GRM7: variants seen among roughly 807,000 people sequenced by gnomAD.
GRM7 encodes the protein glutamate metabotropic receptor 7.
Under a neutral mutation model 84.5 loss-of-function variants are expected in GRM7, and 35 were observed. The ratio of observed to expected loss-of-function variants is 0.41; its 90% confidence interval spans 0.32 to 0.55. GRM7 has a LOEUF of 0.55. GRM7 is among the 20% of genes least tolerant of loss of function. GRM7 has a pLI of 0.19. For synonymous variants in GRM7, 487 were observed against 455.1 expected, an observed-to-expected ratio of 1.07 and a Z score of -0.89; for missense variants, 1,003 against 1,194.6, an observed-to-expected ratio of 0.84 and a Z score of 2.36.
At chr3:7,627,353 G>T (rs1469736007) in intron 8 of GRM7, among the ~76,000 whole-genome samples, 1 of 152,152 alleles carries the variant, frequency 6.6e-6, no homozygotes, top group East Asian at 1.9e-4. Context: ...TTCTGCAGAT[G>T]TAGAACAGAG....
At chr3:7,536,644 C>A (rs1701254279) in intron 7 of GRM7, among the ~76,000 whole-genome samples, 3 of 152,178 alleles carry the variant, frequency 2.0e-5, no homozygotes, top group South Asian at 4.1e-4. Flanking sequence ...TCTCTTGGAT[C>A]ACTAGCTTGG....
At chr3:7,583,565 C>T (rs1398779332) in intron 8 of GRM7, among the ~76,000 whole-genome samples, 1 of 152,182 alleles carries the variant, frequency 6.6e-6, no homozygotes, top group Admixed American at 6.5e-5. Flanking sequence ...GTTTCGGATT[C>T]TTGATACCTC....
intron 1 of GRM7, among the ~76,000 whole-genome samples, chr3:6,901,604 T>TAAAAAGA (rs1696385829): frequency 2.5e-5 from 1 of 40,494 alleles, no homozygotes; most frequent in Non-Finnish European, 4.3e-5. Flanking sequence ...AGACTCCGTC[T>TAAAAAGA]AAAAAAAAAA....
chr3:6,971,627 T>C (rs901833023), intron 1 of GRM7, among the ~76,000 whole-genome samples: 3 of 152,224 alleles, frequency 2.0e-5, no homozygotes, highest in Non-Finnish European at 2.9e-5. Context: ...TGGTTGACTT[T>C]GACACCCTTT....
At chr3:7,367,903 A>G (rs1693968497) in intron 4 of GRM7, among the ~76,000 whole-genome samples, 1 of 151,336 alleles carries the variant, frequency 6.6e-6, no homozygotes, top group African/African-American at 2.4e-5. Flanking sequence ...GTATTCCCCA[A>G]ACCTGACTAT....
At position 7,140,727 on chromosome 3, in the gene GRM7, G is replaced by A. The variant is rs886696354; in HGVS notation, c.520-5725G>A. On this transcript the variant is annotated intron_variant, in intron 1 of 9. Transcript: ENST00000357716. ...TTACCTGGATATCCTGAGGAAGTAC[G>A]GTTCTGTGTCTCAAGTAAAAATAAG... Among the ~76,000 whole-genome samples, 4 of 152,006 alleles carry A rather than the reference G, an allele frequency of 2.6e-5. No homozygotes were observed. In the South Asian group the frequency reaches 6.2e-4, roughly 24 times the overall value.
intron 1 of GRM7, among the ~76,000 whole-genome samples, chr3:7,128,606 C>T (rs1184816096): frequency 7.7e-6 from 1 of 129,538 alleles, no homozygotes; most frequent in Non-Finnish European, 1.7e-5. Flanking sequence ...CTCCCAGGTT[C>T]AGCGATTCTC....
chr3:7,738,426 AAGT>A (rs1324293782), intron 9 of GRM7, among the ~76,000 whole-genome samples: 1 of 152,200 alleles, frequency 6.6e-6, no homozygotes, highest in Non-Finnish European at 1.5e-5. Context: ...AAGATAATCT[AAGT>A]AAAGCATCAA....
chr3:7,170,675 G>T (rs1398949967), intron 2 of GRM7, among the ~76,000 whole-genome samples: 2 of 152,174 alleles, frequency 1.3e-5, no homozygotes, highest in Non-Finnish European at 2.9e-5. Flanking sequence ...AAAAGGGACT[G>T]TGCATGCAGG....
intron 8 of GRM7, among the ~76,000 whole-genome samples, chr3:7,645,549 A>T (rs1698591233): frequency 6.7e-5 from 2 of 29,720 alleles, no homozygotes; most frequent in South Asian, 5.9e-4. Context: ...TCCATCTTAA[A>T]AAAAAAAAAA....
chr3:7,318,459 C>T (rs1240837604), intron 4 of GRM7, among the ~76,000 whole-genome samples: 2 of 151,970 alleles, frequency 1.3e-5, no homozygotes, highest in East Asian at 1.9e-4. Context: ...CTATTAAATA[C>T]AGGGCTTAAT....
chr3:7,124,390 C>T (rs1001572079), intron 1 of GRM7, among the ~76,000 whole-genome samples: 21 of 152,142 alleles, frequency 1.4e-4, no homozygotes, highest in African/African-American at 4.8e-4. Context: ...CTTGTAATCC[C>T]AGATTCTCAG....
At chr3:7,427,962 T>G (rs1696679694) in intron 5 of GRM7, among the ~76,000 whole-genome samples, 1 of 152,136 alleles carries the variant, frequency 6.6e-6, no homozygotes, top group Non-Finnish European at 1.5e-5. Context: ...TTTTGTTTCT[T>G]TTGTTCCAAA....
intron 4 of GRM7, among the ~76,000 whole-genome samples, chr3:7,341,398 CATTT>C (rs770743659): frequency 2.0e-5 from 3 of 150,820 alleles, no homozygotes; most frequent in Non-Finnish European, 4.4e-5. Flanking sequence ...ATTTAGCAAA[CATTT>C]ATTCAATGTT....
In GRM7 at chr3:7,438,504, GA is replaced by G. The variant is rs1436478383; in HGVS notation, c.1175-14101del. On this transcript the variant is annotated intron_variant, in intron 5 of 9. Transcript: ENST00000357716. The stretch of plus-strand genomic sequence containing the variant: ...AAAGGGATGATGTCCAAAAGTGCCA[GA>G]AGAGTTTCTTAAGGCAGTGAAGGAC... Among the ~76,000 whole-genome samples the G allele has an allele frequency of 7.9e-5, 12 of 152,044 alleles. 1 individual carries two copies. Among genetic ancestry groups the G allele is most frequent in the Non-Finnish European group, 2.9e-5 (2 of 68,018 alleles).
intron 1 of GRM7, among the ~76,000 whole-genome samples, chr3:7,068,079 T>C (rs75830245): frequency 4.0e-3 from 615 of 152,072 alleles, no homozygotes; most frequent in Middle Eastern, 0.01. Flanking sequence ...TCCATGATGC[T>C]GAAACAAGAA....
intron 1 of GRM7, among the ~76,000 whole-genome samples, chr3:6,907,585 C>T (rs530362691): frequency 7.9e-4 from 120 of 152,244 alleles, no homozygotes; most frequent in African/African-American, 2.8e-3. Context: ...GTGATCTCTA[C>T]TTATTTCTAA....
intron 1 of GRM7, among the ~76,000 whole-genome samples, chr3:7,042,364 A>T (rs1040873566): frequency 6.6e-6 from 1 of 152,222 alleles, no homozygotes; most frequent in Non-Finnish European, 1.5e-5. Flanking sequence ...GCACAGAAGT[A>T]TACTTTGTTG....
At chr3:7,028,593 C>T (rs900331752) in intron 1 of GRM7, among the ~76,000 whole-genome samples, 2 of 152,092 alleles carry the variant, frequency 1.3e-5, no homozygotes, top group African/African-American at 4.8e-5. Flanking sequence ...CAATGATTTT[C>T]AGTACACTGG....
Sources: allele counts gnomAD v4.1 joint callset (sites outside exome capture counted in the v4.1 genomes callset), GRCh38; gene constraint gnomAD v4.1.1; transcripts MANE v1.5; gene names NCBI Gene and HGNC (gene_info 2026-07-23, HGNC 2026-07-21).